The following COL5A1 variants were observed in gnomAD, a reference collection of about 807,000 sequenced individuals.
COL5A1 encodes collagen alpha-1(V) chain.
Under a neutral mutation model 263.7 loss-of-function variants are expected in COL5A1, and 16 were observed. The observed-to-expected ratio is 0.06, with a 90% CI of 0.04 to 0.09. The LOEUF (loss-of-function observed/expected upper bound fraction) is 0.09. Ranked by LOEUF, COL5A1 falls within the 10% of genes least tolerant of loss-of-function variation. COL5A1 has a pLI of 1.00. For synonymous variants in COL5A1, 1,012 were observed against 1,004.5 expected (o/e 1.01, Z -0.14); for missense variants, 2,036 against 2,540.5 (o/e 0.80, Z 4.27).
At chr9:134,673,048 A>T (rs918113235) in intron 1 of COL5A1, among the ~76,000 whole-genome samples, 1 of 152,234 alleles carries the variant, frequency 6.6e-6, no homozygotes, top group Non-Finnish European at 1.5e-5. Flanking sequence ...TACCATTCTC[A>T]TGGACCAGAA....
chr9:134,662,142 CAAAAAAAAAA>C (rs34491867), intron 1 of COL5A1, among the ~76,000 whole-genome samples: 1 of 121,242 alleles, frequency 8.2e-6, no homozygotes, highest in African/African-American at 3.1e-5. Context: ...ATATCTTGGC[CAAAAAAAAAA>C]AAAAAAAAAA....
At chr9:134,699,413 A>T (rs1379271417) in intron 2 of COL5A1, among the ~76,000 whole-genome samples, 5 of 151,854 alleles carry the variant, frequency 3.3e-5, no homozygotes, top group African/African-American at 4.8e-5. Context: ...TGGCGGTTCG[A>T]GGCTGTTGCT....
In COL5A1 at chr9:134,758,224, C is replaced by T. The variant is rs762006076; in HGVS notation, c.1882-19C>T. The T allele has an allele frequency of 1.9e-6, 3 of 1,613,958 alleles. No individual in the cohort carries two copies. The highest frequency in any genetic ancestry group is 2.2e-5 in the South Asian group (2 of 91,072). ...TGTGCAGGGTGGCGTCTGAGGCAGC[C>T]TTTCTGTCCTTTTTGCAGGGTGACC... On this transcript the variant is annotated intron_variant, in intron 17 of 65. Coordinates refer to ENST00000371817, the MANE Select transcript of COL5A1 (RefSeq NM_000093.5). This position sits in a 1 kb window ranked among gnomAD's most constrained non-coding sequence, Gnocchi z 4.1.
At chr9:134,819,123 C>A in intron 57 of COL5A1, 70 bp downstream of exon 57, 1 of 1,479,716 alleles carries the variant, frequency 6.8e-7, no homozygotes, top group Non-Finnish European at 9.4e-7. Context: ...GGGTCTCAAA[C>A]TCAACAAGCT....
At chr9:134,838,538 C>T (rs10858286) in intron 65 of COL5A1, among the ~76,000 whole-genome samples, 82,987 of 151,998 alleles carry the variant, frequency 0.55, 23,412 homozygotes, top group Middle Eastern at 0.67. Flanking sequence ...TCTGGTTAGC[C>T]GCCCAGTGCT....
intron 1 of COL5A1, among the ~76,000 whole-genome samples, chr9:134,650,906 G>C (rs1338084794): frequency 6.6e-6 from 1 of 152,268 alleles, no homozygotes; most frequent in Non-Finnish European, 1.5e-5. Flanking sequence ...CTTGAGTCCA[G>C]CTGGCACAAG....
chr9:134,672,504 G>C lies in COL5A1; in HGVS notation c.110-18408G>C, dbSNP rs977329282. Among the ~76,000 whole-genome samples the C allele has an allele frequency of 8.5e-5, 13 of 152,168 alleles. 1 individual carries two copies. Among genetic ancestry groups the C allele is most frequent in the Admixed American group, 7.9e-4 (12 of 15,276 alleles). On this transcript the variant is annotated intron_variant, in intron 1 of 65. Transcript: ENST00000371817. ...TGTAGTAGTTTTAAACTTAAAACAT[G>C]ATGAGCAAATCTCAATAAATTAGGA...
Position 134,789,284 on chromosome 9 carries a change from C to T in COL5A1, c.2700+76C>T, listed in dbSNP as rs555627336. The T allele has an allele frequency of 1.7e-4, 213 of 1,232,876 alleles. No homozygotes were observed. The African/African-American group carries it at 1.8e-3, about 10-fold the overall frequency. The allele number at this position is 1,232,876 out of a possible 1,614,324, so 76.4% of individuals were successfully genotyped here. On this transcript the variant is annotated intron_variant, in intron 32 of 65. Coordinates refer to ENST00000371817, the MANE Select transcript of COL5A1 (RefSeq NM_000093.5). The surrounding 1 kb of genome is among the most constrained non-coding windows in gnomAD (Gnocchi z 4.8). ...CCTAGCAAGTTGGTTCTCCAGCCGA[C>T]GGCCTGTTTATTTCTCACTCTCTTG...
intron 9 of COL5A1, among the ~76,000 whole-genome samples, chr9:134,733,016 C>G (rs1834957888): frequency 6.6e-6 from 1 of 152,194 alleles, no homozygotes; most frequent in African/African-American, 2.4e-5. Context: ...GAGCCAGCAC[C>G]AAGGCCCACC....
At chr9:134,653,460 G>C (rs1831764904) in intron 1 of COL5A1, 6 of 152,356 alleles carry the variant, frequency 3.9e-5, no homozygotes, top group Admixed American at 3.9e-4. Context: ...GCCAGTCCCT[G>C]ACATCAGCTG....
chr9:134,837,865 G>A (rs925115401), intron 65 of COL5A1, among the ~76,000 whole-genome samples: 13 of 152,088 alleles, frequency 8.5e-5, no homozygotes, highest in Admixed American at 1.3e-4. Context: ...AGAGAGTTAC[G>A]GCGACTCGCC....
intron 1 of COL5A1, among the ~76,000 whole-genome samples, chr9:134,665,456 G>A (rs544432022): frequency 2.6e-5 from 4 of 152,314 alleles, no homozygotes; most frequent in African/African-American, 4.8e-5. Context: ...AATGTTCGTC[G>A]TAATGGATCC....
At chr9:134,728,899 A>G (rs1834757659) in intron 6 of COL5A1, 92 bp downstream of exon 6, 4 of 1,539,934 alleles carry the variant, frequency 2.6e-6, no homozygotes, top group African/African-American at 1.4e-5. Flanking sequence ...GTCAGGGTAG[A>G]GGGTTGGGGG....
At chr9:134,657,877 A>G (rs1472993518) in intron 1 of COL5A1, among the ~76,000 whole-genome samples, 3 of 151,858 alleles carry the variant, frequency 2.0e-5, no homozygotes, top group Admixed American at 2.0e-4. Flanking sequence ...TTGGCAGATG[A>G]ATAAGCTCAG....
In COL5A1 at chr9:134,789,126, T is replaced by G; in HGVS notation, c.2647-29T>G. ...GCATGACTCATTCCTGGCCCAGCTC[T>G]GATGCCTCCTCCTTAAACTCTCTTT... On this transcript the variant is annotated intron_variant, in intron 31 of 65. Coordinates refer to ENST00000371817, the MANE Select transcript of COL5A1 (RefSeq NM_000093.5). This position sits in a 1 kb window ranked among gnomAD's most constrained non-coding sequence, Gnocchi z 4.8. The G allele has an allele frequency of 6.2e-7, 1 of 1,609,910 alleles. No homozygotes were observed. Among genetic ancestry groups the G allele is most frequent in the Non-Finnish European group, 8.5e-7 (1 of 1,177,326 alleles).
chr9:134,765,221 C>A lies in COL5A1; in HGVS notation c.2035-460C>A, dbSNP rs558341808. Among the ~76,000 whole-genome samples the A allele has an allele frequency of 4.6e-4, 70 of 152,266 alleles. No individual in the cohort carries two copies. The highest frequency in any genetic ancestry group is 1.6e-3 in the African/African-American group (68 of 41,562). On this transcript the variant is annotated intron_variant, in intron 20 of 65. Coordinates refer to ENST00000371817, the MANE Select transcript of COL5A1 (RefSeq NM_000093.5). This position sits in a 1 kb window ranked among gnomAD's most constrained non-coding sequence, Gnocchi z 5.1. Reference sequence around the variant, plus strand: ...TAGTTTCACCTGGTGCTCTCCTGCCCGCACCCTCTGACCCTGTGATATCAT... The same window carrying A: ...TAGTTTCACCTGGTGCTCTCCTGCCAGCACCCTCTGACCCTGTGATATCAT...
rs1167501572 is a variant in COL5A1, at chr9:134,821,108, C to G, written c.4554+885C>G. On this transcript the variant is annotated intron_variant, in intron 58 of 65. Coordinates refer to ENST00000371817, the MANE Select transcript of COL5A1 (RefSeq NM_000093.5). This position sits in a 1 kb window ranked among gnomAD's most constrained non-coding sequence, Gnocchi z 4.2. ...TGTCCTCCATGCCATTGACTGTTTT[C>G]CTCTGCCGGTATCCCCAGGCCACAG... Among the ~76,000 whole-genome samples, 1 of 152,154 alleles carries G rather than the reference C, an allele frequency of 6.6e-6. No homozygotes were observed. The highest frequency in any genetic ancestry group is 1.5e-5 in the Non-Finnish European group (1 of 68,022).
intron 24 of COL5A1, 34 bp downstream of exon 24, chr9:134,767,388 C>T (rs902821547): frequency 6.2e-7 from 1 of 1,602,916 alleles, no homozygotes; most frequent in East Asian, 2.2e-5. Flanking sequence ...CAGGCCACTG[C>T]CCGCCTGCAG....
chr9:134,762,954 A>T (rs1836516987), intron 19 of COL5A1, among the ~76,000 whole-genome samples: 1 of 152,196 alleles, frequency 6.6e-6, no homozygotes, highest in East Asian at 1.9e-4. Flanking sequence ...GTGTGCATGC[A>T]TGCACGCATG....
Sources: gnomAD v4.1 joint callset for allele counts (sites outside exome capture counted in the v4.1 genomes callset) on GRCh38, gnomAD v4.1.1 for gene constraint, Gnocchi (gnomAD v3.1) non-coding constraint, MANE v1.5 for transcripts, NCBI Gene and HGNC (gene_info 2026-07-23, HGNC 2026-07-21) for gene names.